The following CCDC148 variants were observed in gnomAD, a reference collection of about 807,000 sequenced individuals.
The protein encoded by CCDC148 is coiled-coil domain containing 148, also known as coiled-coil domain-containing protein 148.
Under a neutral mutation model 85.7 loss-of-function variants are expected in CCDC148, and 89 were observed. The ratio of observed to expected loss-of-function variants is 1.04; its 90% CI spans 0.87 to 1.24. The LOEUF (loss-of-function observed/expected upper bound fraction) is 1.24. CCDC148 is among the 50% of genes most tolerant of loss of function. The pLI is 0.00. For missense variants in CCDC148, 692 were observed against 671.7 expected, an observed-to-expected ratio of 1.03 and a Z score of -0.33; for synonymous variants, 230 against 213.9, an observed-to-expected ratio of 1.08 and a Z score of -0.66.
intron 1 of CCDC148, among the ~76,000 whole-genome samples, chr2:158,371,792 T>C (rs1293740431): frequency 6.6e-6 from 1 of 151,980 alleles, no homozygotes; most frequent in African/African-American, 2.4e-5. Context: ...ATTCTGCCTT[T>C]TTTACTGAAA....
chr2:158,297,790 T>A (rs989174730), intron 9 of CCDC148, among the ~76,000 whole-genome samples: 3 of 152,180 alleles, frequency 2.0e-5, no homozygotes, highest in African/African-American at 7.2e-5. Flanking sequence ...TCTGGCACAA[T>A]TGGGAAGTTG....
intron 1 of CCDC148, among the ~76,000 whole-genome samples, chr2:158,408,642 AC>A (rs1333477997): frequency 6.6e-6 from 1 of 152,014 alleles, no homozygotes; most frequent in Non-Finnish European, 1.5e-5. Context: ...CATATATACC[AC>A]ATTTTCTTTA....
intron 1 of CCDC148, among the ~76,000 whole-genome samples, chr2:158,361,630 A>T (rs1192442978): frequency 6.6e-6 from 1 of 152,196 alleles, no homozygotes; most frequent in Admixed American, 6.5e-5. Context: ...ATGCTGAGAG[A>T]TTTTGTCACC....
At chr2:158,193,387 G>A (rs566721487) in intron 11 of CCDC148, among the ~76,000 whole-genome samples, 2 of 152,242 alleles carry the variant, frequency 1.3e-5, no homozygotes, top group South Asian at 4.1e-4. Context: ...ACTCTATTCT[G>A]AGACTGCTCC....
chr2:158,220,753 G>C (rs370780148), intron 10 of CCDC148, 40 bp from the exon 11 acceptor site: 6 of 1,444,258 alleles, frequency 4.2e-6, no homozygotes, highest in African/African-American at 1.5e-5. Context: ...ATTAACAACA[G>C]ATATGTAAAA....
At chr2:158,305,162 C>G (rs1691626089) in intron 9 of CCDC148, among the ~76,000 whole-genome samples, 1 of 152,164 alleles carries the variant, frequency 6.6e-6, no homozygotes, top group Non-Finnish European at 1.5e-5. Flanking sequence ...GGAAAAGCCA[C>G]AAACCCACTA....
rs375554012 is a variant in CCDC148 at position 158,433,261 on chromosome 2, A to AATATATATATATATATATAT, written c.25+23153_25+23154insATATATATATATATATATAT. On this transcript the variant is annotated intron_variant, in intron 1 of 13. Coordinates refer to ENST00000283233, the MANE Select transcript of CCDC148 (RefSeq NM_138803.4). The stretch of plus-strand genomic sequence containing the variant: ...GGCAACAGAGTAAGTCCTTGACTCA[A>AATATATATATATATATATAT]ATATATATATATATATAAAACAAAA... 1.7e-3 allele frequency among the ~76,000 whole-genome samples: 209 copies of AATATATATATATATATATAT among 122,560 alleles called. 4 individuals are homozygous for AATATATATATATATATATAT. Among genetic ancestry groups the AATATATATATATATATATAT allele is most frequent in the Admixed American group, 3.8e-3 (47 of 12,390 alleles). 80.4% of individuals were successfully genotyped at this position (122,560 alleles called of 152,430 possible). A position where few individuals can be genotyped will look rare whatever the true frequency, so the allele number is the denominator to read the frequency against.
At chr2:158,261,865 G>C (rs6437159) in intron 9 of CCDC148, among the ~76,000 whole-genome samples, 136,039 of 152,088 alleles carry the variant, frequency 0.89, 61,053 homozygotes, top group Admixed American at 0.93. Context: ...TGAAAAATAA[G>C]AGATGCTGGC....
chr2:158,284,269 G>A (rs1261338104), intron 9 of CCDC148, among the ~76,000 whole-genome samples: 1 of 149,874 alleles, frequency 6.7e-6, no homozygotes, highest in African/African-American at 2.5e-5. Context: ...AAAACTTAAA[G>A]TATAATAATA....
rs757142860 is a variant in CCDC148 at position 158,339,001 on chromosome 2, A to C, written c.571T>G (p.Trp191Gly). 10 of 1,613,100 alleles carry C rather than the reference A, an allele frequency of 6.2e-6. No individual in the cohort carries two copies. The highest frequency in any genetic ancestry group is 4.2e-6 in the Non-Finnish European group (5 of 1,179,306). The change falls in exon 6 of 14, where the codon TGG becomes GGG. Residue 191 changes from tryptophan (W) to glycine (G), a missense_variant. Trp to Gly is a radical substitution (Grantham distance 184, BLOSUM62 -2). Coordinates refer to ENST00000283233, the MANE Select transcript of CCDC148 (RefSeq NM_138803.4). ...CACATCACACTTACCTTTATACTCC[A>C]GTCTGAAAGATCATTTTCTATTCTC... ...QQRIENDLSDWSIKILDHSLE... is the reference protein window; with the variant it reads ...QQRIENDLSDGSIKILDHSLE...
chr2:158,377,260 G>A (rs1684690444), intron 1 of CCDC148, among the ~76,000 whole-genome samples: 1 of 151,678 alleles, frequency 6.6e-6, no homozygotes, highest in Admixed American at 6.6e-5. Context: ...TGCCTGGAGG[G>A]GTAGGGTGTG....
At chr2:158,286,093 T>C (rs1456631851) in intron 9 of CCDC148, among the ~76,000 whole-genome samples, 5 of 152,170 alleles carry the variant, frequency 3.3e-5, no homozygotes, top group Admixed American at 6.5e-5. Context: ...TATTAATATG[T>C]ATTAATATTA....
chr2:158,447,061 C>A (rs763022395), intron 1 of CCDC148: 3 of 152,124 alleles, frequency 2.0e-5, no homozygotes, highest in Non-Finnish European at 4.4e-5. Context: ...TGCTACTGTT[C>A]ATGTAAAAGT....
At chr2:158,182,536 A>T (rs1684954047) in intron 11 of CCDC148, among the ~76,000 whole-genome samples, 1 of 152,122 alleles carries the variant, frequency 6.6e-6, no homozygotes, top group Non-Finnish European at 1.5e-5. Flanking sequence ...CATGGAGACA[A>T]ACAAGTCCTG....
At chr2:158,224,358 T>C (rs1026601715) in intron 10 of CCDC148, among the ~76,000 whole-genome samples, 3 of 152,150 alleles carry the variant, frequency 2.0e-5, no homozygotes, top group African/African-American at 4.8e-5. Context: ...CTGAAAGTGA[T>C]GGGGAGAATG....
At chr2:158,310,463 C>T (rs562171300) in intron 8 of CCDC148, among the ~76,000 whole-genome samples, 5 of 152,312 alleles carry the variant, frequency 3.3e-5, no homozygotes, top group Admixed American at 6.5e-5. Context: ...GGGTGGCGGC[C>T]GGGCAGAGGG....
intron 9 of CCDC148, among the ~76,000 whole-genome samples, chr2:158,274,425 T>A (rs1689833374): frequency 6.6e-6 from 1 of 152,232 alleles, no homozygotes. Context: ...GCTGTCATAG[T>A]CACTGTGTTA....
chr2:158,431,439 CA>C (rs892290916), intron 1 of CCDC148, among the ~76,000 whole-genome samples: 4 of 146,080 alleles, frequency 2.7e-5, no homozygotes, highest in Non-Finnish European at 3.0e-5. Context: ...CTATACAAGT[CA>C]AAAAAAATGA....
rs1401180836 is a variant in CCDC148 at position 158,213,810 on chromosome 2, A to G, written c.1370+6785T>C. Among the ~76,000 whole-genome samples, 4 of 152,232 alleles carry G rather than the reference A, an allele frequency of 2.6e-5. No homozygotes were observed. The East Asian group carries it at 7.7e-4, about 29-fold the overall frequency. Reference sequence around the variant, plus strand: ...TAAGTGTTTAAAAACACCTGAAAACAAAATAAACATATACATCAAAGTATC... The same window carrying G: ...TAAGTGTTTAAAAACACCTGAAAACGAAATAAACATATACATCAAAGTATC... On this transcript the variant is annotated intron_variant, in intron 11 of 13. Coordinates refer to ENST00000283233, the MANE Select transcript of CCDC148 (RefSeq NM_138803.4).
Sources: allele counts gnomAD v4.1 joint callset (sites outside exome capture counted in the v4.1 genomes callset), GRCh38; gene constraint gnomAD v4.1.1; transcripts MANE v1.5; gene names NCBI Gene and HGNC (gene_info 2026-07-23, HGNC 2026-07-21).